Variants in FBXO34 observed in about 807,000 individuals in gnomAD.
FBXO34 encodes the protein F-box only protein 34.
FBXO34 carries 12 observed loss-of-function variants against 24.5 expected under a neutral mutation model. That is an observed-to-expected ratio of 0.49 (90% CI 0.31 to 0.79). The LOEUF (loss-of-function observed/expected upper bound fraction) is 0.79, where lower values mean the gene tolerates loss of function less well. Among genes scored for constraint, FBXO34 ranks in the 30% least tolerant of loss-of-function variants. The pLI, the probability that FBXO34 is intolerant of heterozygous loss-of-function variation, is 0.04. For synonymous variants in FBXO34, 320 were observed against 311.9 expected, an observed-to-expected ratio of 1.03 and a Z score of -0.27; for missense variants, 823 against 857.7, an observed-to-expected ratio of 0.96 and a Z score of 0.51.
the FBXO34 span, among the ~76,000 whole-genome samples, chr14:55,375,596 A>G: frequency 6.8e-6 from 1 of 146,062 alleles, no homozygotes; most frequent in Non-Finnish European, 1.5e-5. Context: ...CTCCCACTTC[A>G]GCCTCCCAAG....
the FBXO34 span, among the ~76,000 whole-genome samples, chr14:55,407,146 T>C: frequency 2.6e-5 from 4 of 152,072 alleles, no homozygotes; most frequent in African/African-American, 9.7e-5. Context: ...TTTTGTTTTT[T>C]TGAGACAGAG....
intron 1 of FBXO34, among the ~76,000 whole-genome samples, chr14:55,305,151 G>A (rs370414206): frequency 1.2e-3 from 184 of 152,334 alleles, no homozygotes; most frequent in African/African-American, 4.3e-3. Context: ...GATGGCTCAT[G>A]CCTATAATCC....
chr14:55,410,703 T>C, the FBXO34 span, among the ~76,000 whole-genome samples: 1 of 152,228 alleles, frequency 6.6e-6, no homozygotes, highest in African/African-American at 2.4e-5. Context: ...TTGTGTGACC[T>C]GGGGCAAAGC....
chr14:55,305,532 CA>C (rs1165622427), intron 1 of FBXO34, among the ~76,000 whole-genome samples: 2 of 151,210 alleles, frequency 1.3e-5, no homozygotes, highest in African/African-American at 2.4e-5. Flanking sequence ...CCATTTCCAC[CA>C]AAAAATACAA....
At chr14:55,440,320 G>T in the FBXO34 span, 1 of 1,558,412 alleles carries the variant, frequency 6.4e-7, no homozygotes, top group Admixed American at 1.9e-5. Context: ...GTTTTAAGAG[G>T]AACGAAGGCA....
At chr14:55,310,828 A>T (rs535966859) in intron 1 of FBXO34, among the ~76,000 whole-genome samples, 1 of 152,060 alleles carries the variant, frequency 6.6e-6, no homozygotes, top group African/African-American at 2.4e-5. Context: ...TATGATGACC[A>T]TCATCCAGTT....
intron 1 of FBXO34, among the ~76,000 whole-genome samples, chr14:55,339,144 G>A (rs539726287): frequency 6.6e-6 from 1 of 152,246 alleles, no homozygotes; most frequent in East Asian, 1.9e-4. Flanking sequence ...AAATGCATAG[G>A]AGACAGTATT....
chr14:55,301,550 A>G (rs936623548), intron 1 of FBXO34, among the ~76,000 whole-genome samples: 1 of 152,216 alleles, frequency 6.6e-6, no homozygotes, highest in African/African-American at 2.4e-5. Flanking sequence ...TCATCTGTAA[A>G]ATGAGGGCAT....
chr14:55,322,808 A>C (rs1000751411), intron 1 of FBXO34, among the ~76,000 whole-genome samples: 4 of 152,044 alleles, frequency 2.6e-5, no homozygotes, highest in African/African-American at 9.7e-5. Context: ...AAGATTATAA[A>C]GCATTCTACC....
At chr14:55,369,598 G>GT (rs763769489), downstream of FBXO34, 25 of 1,472,524 alleles carry the variant, frequency 1.7e-5, no homozygotes, top group South Asian at 3.3e-4. Flanking sequence ...TGCAGATTTG[G>GT]TATGTTTTGG....
chr14:55,326,680 A>C (rs989948063), intron 1 of FBXO34, among the ~76,000 whole-genome samples: 11 of 152,236 alleles, frequency 7.2e-5, no homozygotes, highest in African/African-American at 2.7e-4. Context: ...AGTCCAGGAA[A>C]ATCAAAGTAT....
intron 1 of FBXO34, chr14:55,339,306 A>G (rs917177724): frequency 2.6e-5 from 4 of 151,900 alleles, no homozygotes; most frequent in African/African-American, 9.7e-5. Context: ...GATCATAACC[A>G]TATTAAGTAA....
chr14:55,344,389 T>C (rs889275971), intron 1 of FBXO34, among the ~76,000 whole-genome samples: 2 of 152,160 alleles, frequency 1.3e-5, no homozygotes, highest in Admixed American at 6.5e-5. Context: ...AGAGTTGTTA[T>C]CTCTATCCAG....
Position 55,350,675 on chromosome 14 carries a change from G to A in FBXO34, c.285G>A (p.Thr95=). 2 of 1,613,962 alleles carry A rather than the reference G, an allele frequency of 1.2e-6. No homozygotes were observed. The highest frequency in any genetic ancestry group is 1.7e-6 in the Non-Finnish European group (2 of 1,179,976). ...CCAAAAAGAATGCACCATCTGCAAC[G>A]ATCCACCAGGGCGAAGAAGAAGGAC... ...VKTKKNAPSA[T]IHQGEEEGPL... Residue 95 remains threonine (T), a synonymous_variant, in exon 2 of 2, where the codon ACG becomes ACA. Coordinates refer to ENST00000313833, the MANE Select transcript of FBXO34 (RefSeq NM_017943.4).
chr14:55,382,693 G>C, the FBXO34 span, among the ~76,000 whole-genome samples: 1 of 152,190 alleles, frequency 6.6e-6, no homozygotes, highest in African/African-American at 2.4e-5. Flanking sequence ...CTTGCTATCA[G>C]AGAGGAAGAT....
the FBXO34 span, chr14:55,438,826 C>G: frequency 1.3e-5 from 2 of 148,480 alleles, no homozygotes; most frequent in Admixed American, 6.9e-5. Flanking sequence ...CTGGGCTCTT[C>G]TTTGCTGTGT....
At chr14:55,329,542 A>C (rs1391172043) in intron 1 of FBXO34, among the ~76,000 whole-genome samples, 2 of 151,992 alleles carry the variant, frequency 1.3e-5, no homozygotes, top group African/African-American at 4.8e-5. Context: ...CACTTGAATC[A>C]CTCCTTTTCT....
At chr14:55,368,071 G>C (rs1197203701) in exon 3 of FBXO34, 1 of 151,872 alleles carries the variant, frequency 6.6e-6, no homozygotes, top group Non-Finnish European at 1.5e-5. Flanking sequence ...GATTTCTTTT[G>C]GTAGTTGTTA....
At chr14:55,283,714 C>A (rs1881641946) in intron 1 of FBXO34, among the ~76,000 whole-genome samples, 1 of 152,098 alleles carries the variant, frequency 6.6e-6, no homozygotes, top group African/African-American at 2.4e-5. Flanking sequence ...CTGCTTTGGC[C>A]TCCCAAAGTG....
Sources: allele counts gnomAD v4.1 joint callset (sites outside exome capture counted in the v4.1 genomes callset), GRCh38; gene constraint gnomAD v4.1.1; transcripts MANE v1.5; gene names NCBI Gene and HGNC (gene_info 2026-07-23, HGNC 2026-07-21).